Variants in ARB2A observed in about 807,000 individuals in gnomAD.
ARB2A encodes ARB2 cotranscriptional regulator A.
the ARB2A span, among the ~76,000 whole-genome samples, chr5:93,624,606 C>T: frequency 2.6e-5 from 4 of 152,118 alleles, no homozygotes; most frequent in South Asian, 2.1e-4. Context: ...CAAAAAAATA[C>T]CTTTGCTCAG....
the ARB2A span, among the ~76,000 whole-genome samples, chr5:93,868,635 A>G: frequency 6.6e-6 from 1 of 152,206 alleles, no homozygotes; most frequent in South Asian, 2.1e-4. Context: ...AAACTCATTT[A>G]GGCTTTCCTT....
chr5:94,059,133 A>G, the ARB2A span, among the ~76,000 whole-genome samples: 2 of 152,128 alleles, frequency 1.3e-5, no homozygotes, highest in East Asian at 3.9e-4. Flanking sequence ...GCATGCCTTC[A>G]TAGCAATGCA....
At chr5:93,796,881 G>T in the ARB2A span, among the ~76,000 whole-genome samples, 7 of 152,150 alleles carry the variant, frequency 4.6e-5, no homozygotes, top group African/African-American at 1.7e-4. Context: ...TTTGGGGATT[G>T]CACTTACTGC....
the ARB2A span, among the ~76,000 whole-genome samples, chr5:94,079,882 T>A: frequency 6.6e-6 from 1 of 152,216 alleles, no homozygotes; most frequent in Non-Finnish European, 1.5e-5. Context: ...CTATGTATTT[T>A]TAATAGGTCC....
the ARB2A span, among the ~76,000 whole-genome samples, chr5:94,104,792 C>G: frequency 6.6e-6 from 1 of 151,962 alleles, no homozygotes; most frequent in Non-Finnish European, 1.5e-5. Context: ...CATCAAAAAC[C>G]TAATCTACCA....
At chr5:94,094,543 T>G in the ARB2A span, among the ~76,000 whole-genome samples, 17 of 152,198 alleles carry the variant, frequency 1.1e-4, no homozygotes, top group Admixed American at 1.1e-3. Flanking sequence ...TGTAATATGT[T>G]TAGGGACATT....
chr5:93,855,915 C>G, the ARB2A span, among the ~76,000 whole-genome samples: 7 of 152,018 alleles, frequency 4.6e-5, no homozygotes, highest in South Asian at 2.1e-4. Flanking sequence ...CACCTCTCCT[C>G]CTTCAAAGGA....
At chr5:93,996,402 G>A in the ARB2A span, among the ~76,000 whole-genome samples, 5 of 152,036 alleles carry the variant, frequency 3.3e-5, no homozygotes, top group Admixed American at 1.3e-4. Context: ...TTGAACTTAT[G>A]GGCAGTGCAT....
chr5:93,897,118 C>A, the ARB2A span, among the ~76,000 whole-genome samples: 2 of 151,862 alleles, frequency 1.3e-5, no homozygotes, highest in Non-Finnish European at 2.9e-5. Flanking sequence ...CAAATGAAAT[C>A]ACTTGATTTC....
chr5:93,818,155 C>A, the ARB2A span, among the ~76,000 whole-genome samples: 1 of 151,106 alleles, frequency 6.6e-6, no homozygotes, highest in African/African-American at 2.4e-5. Context: ...CACTTCACAC[C>A]CACTAGGATA....
the ARB2A span, among the ~76,000 whole-genome samples, chr5:93,797,996 G>C: frequency 6.6e-6 from 1 of 152,068 alleles, no homozygotes; most frequent in East Asian, 1.9e-4. Flanking sequence ...GAAGTCAAAA[G>C]AAGAAATCTA....
the ARB2A span, among the ~76,000 whole-genome samples, chr5:93,978,939 T>C: frequency 3.3e-5 from 5 of 152,238 alleles, no homozygotes; most frequent in South Asian, 1.0e-3. Context: ...AAAATTCTAA[T>C]GTTTGATAAC....
the ARB2A span, among the ~76,000 whole-genome samples, chr5:94,022,740 A>G: frequency 4.7e-4 from 72 of 152,358 alleles, no homozygotes; most frequent in Middle Eastern, 0.01. Context: ...AGGATGGAAC[A>G]GGAAATTGAA....
At chr5:93,979,341 T>C in the ARB2A span, among the ~76,000 whole-genome samples, 1 of 152,114 alleles carries the variant, frequency 6.6e-6, no homozygotes, top group African/African-American at 2.4e-5. Flanking sequence ...TATATTATGG[T>C]TCAATGGAAA....
chr5:93,795,894 T>C, the ARB2A span, among the ~76,000 whole-genome samples: 5 of 151,938 alleles, frequency 3.3e-5, no homozygotes, highest in Admixed American at 6.6e-5. Flanking sequence ...AATCATCCTA[T>C]AAATCCATGG....
chr5:93,774,619 CCTTT>C, the ARB2A span, among the ~76,000 whole-genome samples: 1 of 152,106 alleles, frequency 6.6e-6, no homozygotes, highest in African/African-American at 2.4e-5. Context: ...TAGTTTTGTG[CCTTT>C]TTTTTGGTTT....
At chr5:93,664,579 C>A in the ARB2A span, among the ~76,000 whole-genome samples, 1 of 150,038 alleles carries the variant, frequency 6.7e-6, no homozygotes, top group Non-Finnish European at 1.5e-5. Context: ...TGCAGTGAGC[C>A]GAGATAGCGC....
At chr5:93,683,110 A>C in the ARB2A span, 9 of 1,550,732 alleles carry the variant, frequency 5.8e-6, no homozygotes, top group Non-Finnish European at 7.9e-6. Context: ...ACTTTTGTGC[A>C]TTTTTGGCTG....
chr5:93,817,260 C>T, the ARB2A span, among the ~76,000 whole-genome samples: 5 of 152,146 alleles, frequency 3.3e-5, no homozygotes, highest in East Asian at 9.6e-4. Context: ...TAATCAAATA[C>T]TTAGAAATAA....
Sources: gnomAD v4.1 joint callset for allele counts (sites outside exome capture counted in the v4.1 genomes callset) on GRCh38, gnomAD v4.1.1 for gene constraint, MANE v1.5 for transcripts, NCBI Gene and HGNC (gene_info 2026-07-23, HGNC 2026-07-21) for gene names.